The following MSI2 variants were observed in gnomAD, a reference collection of about 807,000 sequenced individuals.
The protein encoded by MSI2 is musashi RNA binding protein 2.
Under a neutral mutation model 45.6 loss-of-function variants are expected in MSI2, and 17 were observed. The ratio of observed to expected loss-of-function variants is 0.37; its 90% CI spans 0.26 to 0.56. The LOEUF is 0.56. MSI2 is among the 20% of genes least tolerant of loss of function. The probability of loss-of-function intolerance (pLI) is 0.77; values close to 1 mark genes in which losing one functional copy is unlikely to be tolerated. For synonymous variants in MSI2, 156 were observed against 158.2 expected (o/e 0.99, Z 0.11); for missense variants, 293 against 444.2 (o/e 0.66, Z 3.06).
At chr17:57,479,614 ATT>A (rs2085609507) in intron 6 of MSI2, among the ~76,000 whole-genome samples, 1 of 152,228 alleles carries the variant, frequency 6.6e-6, no homozygotes, top group African/African-American at 2.4e-5. Context: ...AGGATTAGAA[ATT>A]CTGGTTCTCA....
chr17:57,440,413 C>CGTGTGTGTGTGTGT (rs71139995), intron 6 of MSI2, among the ~76,000 whole-genome samples: 1,785 of 104,568 alleles, frequency 0.017, 138 homozygotes, highest in East Asian at 0.048. Context: ...GTTTGTTATC[C>CGTGTGTGTGTGTGT]GTGTGTGTGT....
Position 57,669,502 on chromosome 17 carries a change from C to T in MSI2, c.791-5470C>T, listed in dbSNP as rs541601819. On this transcript the variant is annotated intron_variant, in intron 11 of 13. Coordinates refer to ENST00000284073, the MANE Select transcript of MSI2 (RefSeq NM_138962.4). ...AGGAGTTTCTTGCTAATAGGGGAGA[C>T]AGAGTCCTACGACTATGGAGTTTTA... Among the ~76,000 whole-genome samples, 5 of 152,318 alleles carry T rather than the reference C, an allele frequency of 3.3e-5. No homozygotes were observed. In the South Asian group the frequency reaches 8.3e-4, roughly 25 times the overall value.
chr17:57,377,152 C>T (rs998745622), intron 5 of MSI2, among the ~76,000 whole-genome samples: 6 of 152,158 alleles, frequency 3.9e-5, no homozygotes, highest in Non-Finnish European at 5.9e-5. Context: ...GATCTCCTGA[C>T]CTTGTGATCT....
chr17:57,614,218 T>C lies in MSI2; in HGVS notation c.538-1752T>C, dbSNP rs149501020. Among the ~76,000 whole-genome samples, 387 of 152,028 alleles carry C rather than the reference T, an allele frequency of 2.5e-3. 2 individuals carry two copies. The Middle Eastern group carries it at 0.027, about 11-fold the overall frequency. On this transcript the variant is annotated intron_variant, in intron 8 of 13. Coordinates refer to ENST00000284073, the MANE Select transcript of MSI2 (RefSeq NM_138962.4). ...GGAGCATGCCACCACACCTGGCTAATTTTTTTGTATTTTTAGTAGAGACAG... is the reference window on the plus strand; with the variant it reads ...GGAGCATGCCACCACACCTGGCTAACTTTTTTGTATTTTTAGTAGAGACAG...
At chr17:57,331,324 C>T (rs115880356) in intron 5 of MSI2, among the ~76,000 whole-genome samples, 58 of 152,300 alleles carry the variant, frequency 3.8e-4, no homozygotes, top group African/African-American at 1.2e-3. Flanking sequence ...CTCGATGAAC[C>T]TGGAACCCAA....
At chr17:57,674,269 G>A (rs1260768709) in intron 11 of MSI2, among the ~76,000 whole-genome samples, 1 of 150,618 alleles carries the variant, frequency 6.6e-6, no homozygotes, top group Non-Finnish European at 1.5e-5. Context: ...AGTAGCCAGT[G>A]GGGAGGGGCG....
intron 5 of MSI2, among the ~76,000 whole-genome samples, chr17:57,305,133 G>A (rs556715397): frequency 6.6e-6 from 1 of 152,176 alleles, no homozygotes; most frequent in Non-Finnish European, 1.5e-5. Flanking sequence ...GGTGGCCCCA[G>A]CCTTTAGGAA....
intron 5 of MSI2, among the ~76,000 whole-genome samples, chr17:57,315,665 C>G (rs1460020566): frequency 6.6e-6 from 1 of 152,138 alleles, no homozygotes; most frequent in Non-Finnish European, 1.5e-5. Flanking sequence ...AGTGAAAAAG[C>G]AAACAAACCC....
intron 6 of MSI2, among the ~76,000 whole-genome samples, chr17:57,495,942 G>A (rs1041584642): frequency 6.6e-6 from 1 of 152,174 alleles, no homozygotes; most frequent in Non-Finnish European, 1.5e-5. Flanking sequence ...ATGACATAAA[G>A]TTTTGTCTAG....
chr17:57,388,983 T>TC (rs1489885073), intron 5 of MSI2, among the ~76,000 whole-genome samples: 2 of 142,934 alleles, frequency 1.4e-5, no homozygotes, highest in East Asian at 2.0e-4. Flanking sequence ...TTCTTCTTCT[T>TC]TTTTTTTTTT....
chr17:57,664,902 T>C (rs1233071950), intron 11 of MSI2, among the ~76,000 whole-genome samples: 2 of 152,096 alleles, frequency 1.3e-5, no homozygotes, highest in Non-Finnish European at 2.9e-5. Flanking sequence ...CCTGGGGAGT[T>C]TTTAAACTGT....
At chr17:57,495,761 G>A (rs546636897) in intron 6 of MSI2, among the ~76,000 whole-genome samples, 24 of 152,038 alleles carry the variant, frequency 1.6e-4, no homozygotes, top group African/African-American at 4.8e-4. Context: ...TCAGATAAAC[G>A]TACATCTCTT....
At chr17:57,274,008 T>C (rs1219861065) in intron 5 of MSI2, among the ~76,000 whole-genome samples, 2 of 152,198 alleles carry the variant, frequency 1.3e-5, no homozygotes, top group Non-Finnish European at 2.9e-5. Flanking sequence ...AAAAGCTTCC[T>C]AGAGACCTGC....
At chr17:57,673,990 C>CT (rs1056018484) in intron 11 of MSI2, among the ~76,000 whole-genome samples, 9 of 151,484 alleles carry the variant, frequency 5.9e-5, no homozygotes, top group African/African-American at 2.2e-4. Context: ...TAAATCCCCC[C>CT]TTTCCTTCTC....
chr17:57,464,010 TG>T (rs2085282553), intron 6 of MSI2, among the ~76,000 whole-genome samples: 1 of 129,264 alleles, frequency 7.7e-6, no homozygotes, highest in African/African-American at 2.7e-5. Flanking sequence ...TGTGTGTGTG[TG>T]TGTGTGTGTA....
chr17:57,466,511 CACTT>C (rs1477870794), intron 6 of MSI2, among the ~76,000 whole-genome samples: 3 of 152,304 alleles, frequency 2.0e-5, no homozygotes, highest in East Asian at 1.9e-4. Context: ...AGGTTTTTCC[CACTT>C]ACTTCTTGCC....
chr17:57,411,691 C>G (rs1369939639), intron 6 of MSI2, among the ~76,000 whole-genome samples: 1 of 152,014 alleles, frequency 6.6e-6, no homozygotes, highest in East Asian at 1.9e-4. Flanking sequence ...GTGGCCCTGA[C>G]CAGTTGTTTG....
In MSI2 at chr17:57,680,544, G is replaced by A. The variant is rs1913535849; in HGVS notation, c.*1027G>A. The A allele has an allele frequency of 4.4e-6, 1 of 228,844 alleles. No individual in the cohort carries two copies. The highest frequency in any genetic ancestry group is 1.3e-3 in the Middle Eastern group (1 of 764). 14.2% of individuals were successfully genotyped at this position (228,844 alleles called of 1,614,324 possible). The stretch of plus-strand genomic sequence containing the variant: ...CCAGGACAAGTTAGAGCACTGTTTA[G>A]CTCCTTTGTCTGTGTGATAGACCTA... On this transcript the variant is annotated 3_prime_UTR_variant, in exon 14 of 14. Coordinates refer to ENST00000284073, the MANE Select transcript of MSI2 (RefSeq NM_138962.4).
chr17:57,487,121 A>G (rs765430081), intron 6 of MSI2, among the ~76,000 whole-genome samples: 12 of 152,212 alleles, frequency 7.9e-5, no homozygotes, highest in Non-Finnish European at 1.6e-4. Context: ...AGAAGTGGGA[A>G]GTGCAGGGGA....
Sources: allele counts gnomAD v4.1 joint callset (sites outside exome capture counted in the v4.1 genomes callset), GRCh38; gene constraint gnomAD v4.1.1; transcripts MANE v1.5; gene names NCBI Gene and HGNC (gene_info 2026-07-23, HGNC 2026-07-21).